COPS7B: variants seen among roughly 807,000 people sequenced by gnomAD.
COPS7B encodes COP9 signalosome subunit 7B, also known as COP9 signalosome complex subunit 7b.
Under a neutral mutation model 33.4 loss-of-function variants are expected in COPS7B, and 9 were observed. The ratio of observed to expected loss-of-function variants is 0.27; its 90% confidence interval spans 0.16 to 0.47. COPS7B has a LOEUF of 0.47. Among genes scored for constraint, COPS7B ranks in the 20% least tolerant of loss-of-function variants. COPS7B has a pLI of 0.99. For synonymous variants in COPS7B, 119 were observed against 126.3 expected, an observed-to-expected ratio of 0.94 and a Z score of 0.39; for missense variants, 242 against 318.2, an observed-to-expected ratio of 0.76 and a Z score of 1.82.
rs1400816814 is a variant in COPS7B, at chr2:231,808,796, GGGGTGTGTGTGT to G, written c.*1153_*1164del. On this transcript the variant is annotated 3_prime_UTR_variant, in exon 7 of 7. Coordinates refer to ENST00000350033, the MANE Select transcript of COPS7B (RefSeq NM_022730.4). The stretch of plus-strand genomic sequence containing the variant: ...CCTGGTTGGAGGGTGGGGGTGGGGT[GGGGTGTGTGTGT>G]GTGTGTGTGTGTGTGTGTGTGTGTG... The G allele has an allele frequency of 5.9e-5, 3 of 50,500 alleles. No homozygotes were observed. Among genetic ancestry groups the G allele is most frequent in the Non-Finnish European group, 1.1e-4 (3 of 27,136 alleles). The allele number at this position is 50,500 out of a possible 1,614,324, so 3.1% of individuals were successfully genotyped here.
Position 231,802,619 on chromosome 2 carries a change from T to C in COPS7B, c.636+3655T>C, listed in dbSNP as rs115681239. On this transcript the variant is annotated intron_variant, in intron 6 of 6. Transcript: ENST00000350033. ...AGAAGACAAGTCTGTGGTGATGATA[T>C]TTGTTGTCAGTTGAAGGGTGACTGT... Among the ~76,000 whole-genome samples the C allele has an allele frequency of 2.4e-3, 372 of 152,326 alleles. 3 individuals are homozygous for C. Among genetic ancestry groups the C allele is most frequent in the African/African-American group, 8.4e-3 (351 of 41,578 alleles).
upstream of COPS7B, among the ~76,000 whole-genome samples, chr2:231,782,259 A>T (rs1026134512): frequency 1.3e-5 from 2 of 152,250 alleles, no homozygotes; most frequent in Non-Finnish European, 2.9e-5. Context: ...AATGTGAATT[A>T]TTCTCCTTGA....
intron 4 of COPS7B, among the ~76,000 whole-genome samples, chr2:231,795,215 G>A (rs183979586): frequency 5.9e-5 from 9 of 152,136 alleles, no homozygotes; most frequent in East Asian, 1.9e-4. Flanking sequence ...CACCGTGCCC[G>A]GCCTTTTTAA....
chr2:231,800,809 C>T (rs1405594627), intron 6 of COPS7B, among the ~76,000 whole-genome samples: 1 of 152,190 alleles, frequency 6.6e-6, no homozygotes, highest in African/African-American at 2.4e-5. Context: ...TAAAACAGTC[C>T]ATTGACGTAA....
At chr2:231,785,074 G>A (rs2049207228), upstream of COPS7B, among the ~76,000 whole-genome samples, 1 of 152,244 alleles carries the variant, frequency 6.6e-6, no homozygotes, top group Non-Finnish European at 1.5e-5. Flanking sequence ...GCCTCCCAAA[G>A]TGCTGGGATT....
rs975326854 is a variant in COPS7B, at chr2:231,808,051, G to A, written c.*406G>A. The A allele has an allele frequency of 7.8e-5, 15 of 193,166 alleles. No individual in the cohort carries two copies. The highest frequency in any genetic ancestry group is 3.6e-4 in the African/African-American group (15 of 41,916). The allele number at this position is 193,166 out of a possible 1,614,324, so 12.0% of individuals were successfully genotyped here. On this transcript the variant is annotated 3_prime_UTR_variant, in exon 7 of 7. Coordinates refer to ENST00000350033, the MANE Select transcript of COPS7B (RefSeq NM_022730.4). Reference sequence around the variant, plus strand: ...TTGTGAAGGAGGCCCCTCCCCTTGTGAGGAGGGGGCACTCCTCTCCAGCCC... The same window carrying A: ...TTGTGAAGGAGGCCCCTCCCCTTGTAAGGAGGGGGCACTCCTCTCCAGCCC...
At chr2:231,782,637 C>T (rs1395609972), upstream of COPS7B, among the ~76,000 whole-genome samples, 1 of 152,196 alleles carries the variant, frequency 6.6e-6, no homozygotes, top group East Asian at 1.9e-4. Context: ...TCACTGCCAC[C>T]AGGAAGATGA....
intron 6 of COPS7B, among the ~76,000 whole-genome samples, chr2:231,800,211 C>T (rs906922400): frequency 5.9e-5 from 9 of 152,174 alleles, no homozygotes; most frequent in South Asian, 2.1e-4. Flanking sequence ...GGAAGTATTG[C>T]GTGAGTCCAG....
chr2:231,781,748 C>T (rs1289492333), upstream of COPS7B: 21 of 1,313,410 alleles, frequency 1.6e-5, no homozygotes, highest in African/African-American at 7.4e-5. Context: ...TTCACAAACC[C>T]GCCCGCTGAG....
At position 231,808,897 on chromosome 2, in the gene COPS7B, AAAAAAT is replaced by A. The variant is rs1207311042; in HGVS notation, c.*1257_*1262del. On this transcript the variant is annotated 3_prime_UTR_variant, in exon 7 of 7. Coordinates refer to ENST00000350033, the MANE Select transcript of COPS7B (RefSeq NM_022730.4). ...TGAGGAAAAAGCACATTTTACAACA[AAAAAAT>A]AAAAGTGTAGATTTAATGTATGTGA... 2 of 156,592 alleles carry A rather than the reference AAAAAAT, an allele frequency of 1.3e-5. No individual in the cohort carries two copies. Among genetic ancestry groups the A allele is most frequent in the African/African-American group, 4.8e-5 (2 of 41,244 alleles). 9.7% of individuals were successfully genotyped at this position (156,592 alleles called of 1,614,324 possible).
In COPS7B at chr2:231,786,477, C is replaced by T; in HGVS notation, c.-78C>T. On this transcript the variant is annotated 5_prime_UTR_variant, in exon 1 of 7. Transcript: ENST00000350033. ...GGGGTGATCATGGACGCTTGACAAC[C>T]TGCGGGCAGGCGCCGGGAGGCCGAG... The T allele has an allele frequency of 2.0e-6, 2 of 986,010 alleles. No individual in the cohort carries two copies. Among genetic ancestry groups the T allele is most frequent in the East Asian group, 1.1e-4 (1 of 8,818 alleles). The allele number at this position is 986,010 out of a possible 1,614,324, so 61.1% of individuals were successfully genotyped here.
At chr2:231,787,388 C>T (rs1024842060) in intron 1 of COPS7B, among the ~76,000 whole-genome samples, 1 of 152,146 alleles carries the variant, frequency 6.6e-6, no homozygotes, top group African/African-American at 2.4e-5. Context: ...TACCGTTTTT[C>T]GTTCATTTTG....
At position 231,802,613 on chromosome 2, in the gene COPS7B, A is replaced by G. The variant is rs903522397; in HGVS notation, c.636+3649A>G. Among the ~76,000 whole-genome samples, 5 of 152,232 alleles carry G rather than the reference A, an allele frequency of 3.3e-5. No homozygotes were observed. In the East Asian group the frequency reaches 5.8e-4, roughly 18 times the overall value. ...GGTAAAAGAAGACAAGTCTGTGGTG[A>G]TGATATTTGTTGTCAGTTGAAGGGT... On this transcript the variant is annotated intron_variant, in intron 6 of 6. Transcript: ENST00000350033.
At chr2:231,782,904 C>T (rs2049162600), upstream of COPS7B, among the ~76,000 whole-genome samples, 1 of 152,078 alleles carries the variant, frequency 6.6e-6, no homozygotes, top group Admixed American at 6.5e-5. Flanking sequence ...GTCGCCACTA[C>T]CCAAATCAAG....
chr2:231,802,712 G>A (rs1010292248), intron 6 of COPS7B, among the ~76,000 whole-genome samples: 6 of 152,252 alleles, frequency 3.9e-5, no homozygotes, highest in African/African-American at 1.4e-4. Flanking sequence ...TGACCTACCT[G>A]GGTGGCCAAT....
At chr2:231,794,049 G>A in intron 3 of COPS7B, 2 of 533,890 alleles carry the variant, frequency 3.7e-6, no homozygotes, top group Non-Finnish European at 6.7e-6. Flanking sequence ...CTTTTTAGGA[G>A]ACTAAACTCT....
chr2:231,802,216 C>T (rs2049770511), intron 6 of COPS7B, among the ~76,000 whole-genome samples: 1 of 152,196 alleles, frequency 6.6e-6, no homozygotes, highest in Admixed American at 6.5e-5. Flanking sequence ...GCTCTGTTTT[C>T]CATTATGTAG....
At chr2:231,806,926 G>C (rs1454251511) in intron 6 of COPS7B, among the ~76,000 whole-genome samples, 1 of 152,220 alleles carries the variant, frequency 6.6e-6, no homozygotes, top group Non-Finnish European at 1.5e-5. Flanking sequence ...CTGTTCTGAC[G>C]TGGTAAAATG....
intron 2 of COPS7B, 72 bp from the exon 3 acceptor site, chr2:231,791,661 C>T (rs946714293): frequency 1.0e-5 from 13 of 1,293,310 alleles, no homozygotes; most frequent in African/African-American, 2.9e-5. Context: ...CATGCTCACC[C>T]GTCCTCTGTT....
Sources: allele counts gnomAD v4.1 joint callset (sites outside exome capture counted in the v4.1 genomes callset), GRCh38; gene constraint gnomAD v4.1.1; transcripts MANE v1.5; gene names NCBI Gene and HGNC (gene_info 2026-07-23, HGNC 2026-07-21).